The following GUCY1A2 variants were observed in gnomAD, a reference collection of about 807,000 sequenced individuals.
The protein encoded by GUCY1A2 is guanylate cyclase 1 soluble subunit alpha 2, also known as guanylate cyclase soluble subunit alpha-2.
GUCY1A2 carries 27 observed loss-of-function variants against 63.5 expected under a neutral mutation model. The observed-to-expected ratio is 0.43, with a 90% CI of 0.31 to 0.59. The LOEUF (loss-of-function observed/expected upper bound fraction) is 0.59, where lower values mean the gene tolerates loss of function less well. Ranked by LOEUF, GUCY1A2 falls within the 20% of genes least tolerant of loss-of-function variation. The pLI is 0.11. For missense variants in GUCY1A2, 768 were observed against 913.3 expected (o/e 0.84, Z 2.05); for synonymous variants, 364 against 343.5 (o/e 1.06, Z -0.66).
chr11:106,739,740 A>G (rs564112058), intron 6 of GUCY1A2, among the ~76,000 whole-genome samples: 39 of 152,088 alleles, frequency 2.6e-4, no homozygotes, highest in Admixed American at 8.5e-4. Flanking sequence ...TCCTTTGTTC[A>G]TGTTTCCTTA....
At chr11:106,778,908 G>A (rs1234969079) in intron 5 of GUCY1A2, among the ~76,000 whole-genome samples, 2 of 149,608 alleles carry the variant, frequency 1.3e-5, no homozygotes, top group African/African-American at 2.5e-5. Flanking sequence ...GGAAAAATAT[G>A]CGTCAGTGAT....
chr11:106,961,412 T>G (rs889299248), intron 3 of GUCY1A2, among the ~76,000 whole-genome samples: 2 of 152,164 alleles, frequency 1.3e-5, no homozygotes, highest in African/African-American at 4.8e-5. Context: ...TGAATGTGGA[T>G]CTTTTATTTT....
intron 4 of GUCY1A2, chr11:106,824,289 G>C (rs1200793945): frequency 4.1e-6 from 2 of 492,786 alleles, no homozygotes; most frequent in Non-Finnish European, 6.4e-6. Flanking sequence ...CATGAGAAAA[G>C]TCAGTTTTCT....
chr11:106,736,579 A>C lies in GUCY1A2; in HGVS notation c.1837-27913T>G, dbSNP rs907760365. Among the ~76,000 whole-genome samples, 10 of 152,150 alleles carry C rather than the reference A, an allele frequency of 6.6e-5. No individual in the cohort carries two copies. The South Asian group carries it at 1.9e-3, about 28-fold the overall frequency. On this transcript the variant is annotated intron_variant, in intron 6 of 7. Transcript: ENST00000526355. Reference sequence around the variant, plus strand: ...CAGGTAATGTAATTTCTCCAGTCTTATTCTTTTTGCTCATAATGGATTTGG... The same window carrying C: ...CAGGTAATGTAATTTCTCCAGTCTTCTTCTTTTTGCTCATAATGGATTTGG...
chr11:106,997,223 C>A (rs1199175818), intron 1 of GUCY1A2, among the ~76,000 whole-genome samples: 3 of 151,942 alleles, frequency 2.0e-5, no homozygotes, highest in Admixed American at 1.3e-4. Context: ...AAATATATAC[C>A]CTTATGCATG....
intron 4 of GUCY1A2, among the ~76,000 whole-genome samples, chr11:106,866,404 T>A (rs188005005): frequency 6.6e-6 from 1 of 152,184 alleles, no homozygotes; most frequent in Admixed American, 6.6e-5. Context: ...CTTCAATGCA[T>A]GACTTGAGAC....
intron 4 of GUCY1A2, among the ~76,000 whole-genome samples, chr11:106,900,108 C>A (rs1860110283): frequency 6.7e-6 from 1 of 150,164 alleles, no homozygotes; most frequent in African/African-American, 2.4e-5. Flanking sequence ...AAAAAACAAT[C>A]TATAATATAT....
intron 4 of GUCY1A2, among the ~76,000 whole-genome samples, chr11:106,844,006 G>C (rs1451060339): frequency 6.6e-6 from 1 of 151,808 alleles, no homozygotes; most frequent in Non-Finnish European, 1.5e-5. Context: ...TCTTAAAGAA[G>C]TCATTATATG....
At chr11:106,794,183 A>C (rs1864712768) in intron 5 of GUCY1A2, among the ~76,000 whole-genome samples, 1 of 151,990 alleles carries the variant, frequency 6.6e-6, no homozygotes, top group Non-Finnish European at 1.5e-5. Flanking sequence ...AAAGAACAAA[A>C]TCCTGCCATT....
At chr11:106,860,729 G>A (rs1859499996) in intron 4 of GUCY1A2, among the ~76,000 whole-genome samples, 1 of 152,002 alleles carries the variant, frequency 6.6e-6, no homozygotes, top group Non-Finnish European at 1.5e-5. Context: ...GAAGCTGTCA[G>A]ATAATGCAAC....
At chr11:106,810,732 T>G (rs1440364811) in intron 4 of GUCY1A2, among the ~76,000 whole-genome samples, 1 of 151,980 alleles carries the variant, frequency 6.6e-6, no homozygotes, top group East Asian at 1.9e-4. Flanking sequence ...CAGTGAAAAA[T>G]GAAACAGGAA....
chr11:106,783,454 C>G (rs1306781088), intron 5 of GUCY1A2, among the ~76,000 whole-genome samples: 1 of 151,806 alleles, frequency 6.6e-6, no homozygotes, highest in Non-Finnish European at 1.5e-5. Context: ...GGCTGCCCTG[C>G]TGAAGGTAAC....
At chr11:106,971,107 G>C (rs1226639388) in intron 3 of GUCY1A2, among the ~76,000 whole-genome samples, 1 of 152,068 alleles carries the variant, frequency 6.6e-6, no homozygotes, top group African/African-American at 2.4e-5. Flanking sequence ...TTTTTTAGAA[G>C]AGTGCAAGTA....
intron 6 of GUCY1A2, among the ~76,000 whole-genome samples, chr11:106,756,057 A>G (rs1006140052): frequency 6.6e-6 from 1 of 152,120 alleles, no homozygotes; most frequent in Non-Finnish European, 1.5e-5. Flanking sequence ...TATATTTAGG[A>G]TAGTTAGCTC....
At chr11:106,921,280 G>C (rs1591328264) in intron 4 of GUCY1A2, among the ~76,000 whole-genome samples, 1 of 151,750 alleles carries the variant, frequency 6.6e-6, no homozygotes, top group East Asian at 1.9e-4. Flanking sequence ...TCTCTTACTG[G>C]ACCTGACTAG....
At chr11:106,864,678 G>C (rs1859565817) in intron 4 of GUCY1A2, among the ~76,000 whole-genome samples, 1 of 152,042 alleles carries the variant, frequency 6.6e-6, no homozygotes, top group African/African-American at 2.4e-5. Flanking sequence ...ATAATCATGT[G>C]GTTTTTGTCA....
rs537664899 is a variant in GUCY1A2 at position 106,808,651 on chromosome 11, A to C, written c.1692+1342T>G. On this transcript the variant is annotated intron_variant, in intron 5 of 7. Transcript: ENST00000526355. ...TAAAACAAAACAAAACAAAACAAAA[A>C]AAACATGACTGCTTTAACTGGAGGA... Among the ~76,000 whole-genome samples, 283 of 134,236 alleles carry C rather than the reference A, an allele frequency of 2.1e-3. 1 individual carries two copies. Among genetic ancestry groups the C allele is most frequent in the African/African-American group, 6.1e-3 (242 of 39,374 alleles). The allele number at this position is 134,236 out of a possible 152,430, so 88.1% of individuals were successfully genotyped here. A position where few individuals can be genotyped will look rare whatever the true frequency, so the allele number is the denominator to read the frequency against.
chr11:106,857,679 T>A (rs1859455902), intron 4 of GUCY1A2, among the ~76,000 whole-genome samples: 1 of 152,202 alleles, frequency 6.6e-6, no homozygotes, highest in African/African-American at 2.4e-5. Flanking sequence ...AATTGTGAAT[T>A]TAAACCACTT....
chr11:106,871,452 C>G (rs992694066), intron 4 of GUCY1A2, among the ~76,000 whole-genome samples: 4 of 152,110 alleles, frequency 2.6e-5, no homozygotes, highest in Admixed American at 6.6e-5. Flanking sequence ...CCATACAGCT[C>G]TCTTAACTTC....
Sources: gnomAD v4.1 joint callset for allele counts (sites outside exome capture counted in the v4.1 genomes callset) on GRCh38, gnomAD v4.1.1 for gene constraint, MANE v1.5 for transcripts, NCBI Gene and HGNC (gene_info 2026-07-23, HGNC 2026-07-21) for gene names.